The following DISC1 variants were observed in gnomAD, a reference collection of about 807,000 sequenced individuals.
The protein encoded by DISC1 is DISC1 scaffold protein.
A neutral mutation model predicts 84.5 loss-of-function variants in DISC1; 57 were observed. The ratio of observed to expected loss-of-function variants is 0.67; its 90% CI spans 0.55 to 0.84. The LOEUF (loss-of-function observed/expected upper bound fraction) is 0.84. Ranked by LOEUF, DISC1 falls within the 40% of genes least tolerant of loss-of-function variation. The probability of loss-of-function intolerance (pLI) is 0.00; values close to 1 mark genes in which losing one functional copy is unlikely to be tolerated. For synonymous variants in DISC1, 411 were observed against 415.2 expected (o/e 0.99, Z 0.12); for missense variants, 1,000 against 1,057.8 (o/e 0.95, Z 0.76).
At chr1:231,921,561 A>ATT (rs1553396491) in intron 9 of DISC1, among the ~76,000 whole-genome samples, 2 of 151,886 alleles carry the variant, frequency 1.3e-5, no homozygotes, top group Admixed American at 1.3e-4. Context: ...TAATATGTGA[A>ATT]ATGATTGGAT....
chr1:231,783,172 G>C (rs1447920457), intron 6 of DISC1, among the ~76,000 whole-genome samples: 2 of 152,082 alleles, frequency 1.3e-5, no homozygotes, highest in East Asian at 3.9e-4. Flanking sequence ...GAACTCACTT[G>C]AGTTTTTGGG....
intron 9 of DISC1, among the ~76,000 whole-genome samples, chr1:231,834,160 G>C (rs545024318): frequency 6.6e-6 from 1 of 152,126 alleles, no homozygotes; most frequent in Non-Finnish European, 1.5e-5. Context: ...CTGGGCAGGT[G>C]GGGGAGGGCT....
intron 1 of DISC1, among the ~76,000 whole-genome samples, chr1:231,686,162 G>A (rs574353583): frequency 6.6e-6 from 1 of 152,300 alleles, no homozygotes; most frequent in Admixed American, 6.5e-5. Context: ...GCAAGCTGTA[G>A]GTGGATCTAC....
chr1:231,959,352 C>T, intron 10 of DISC1: 2 of 985,730 alleles, frequency 2.0e-6, no homozygotes, highest in African/African-American at 3.5e-5. Flanking sequence ...TTTTTAAAAC[C>T]CAATTAGGAA....
chr1:231,809,365 G>T (rs2080049940), intron 8 of DISC1, among the ~76,000 whole-genome samples: 1 of 151,916 alleles, frequency 6.6e-6, no homozygotes, highest in South Asian at 2.1e-4. Context: ...CTGGTTCTTA[G>T]ATTGGCCATC....
intron 9 of DISC1, among the ~76,000 whole-genome samples, chr1:231,880,622 C>T (rs894004187): frequency 1.3e-5 from 2 of 152,096 alleles, no homozygotes; most frequent in African/African-American, 4.8e-5. Context: ...TACATGGAGA[C>T]AGCAGGATTT....
At chr1:231,723,117 T>G in intron 3 of DISC1, 1 of 974,744 alleles carries the variant, frequency 1.0e-6, no homozygotes, top group Non-Finnish European at 1.2e-6. Flanking sequence ...CCACGTGTAC[T>G]CAAGTCTTGT....
At chr1:231,870,006 G>A (rs992899027) in intron 9 of DISC1, among the ~76,000 whole-genome samples, 1 of 152,172 alleles carries the variant, frequency 6.6e-6, no homozygotes, top group Non-Finnish European at 1.5e-5. Context: ...CTACCTCTGG[G>A]GGCACTACTT....
chr1:231,785,979 T>G (rs1327537529), intron 6 of DISC1, among the ~76,000 whole-genome samples: 1 of 152,184 alleles, frequency 6.6e-6, no homozygotes, highest in Non-Finnish European at 1.5e-5. Flanking sequence ...TTGTCTCTAT[T>G]TTATATTTCT....
chr1:231,885,073 A>C (rs774925952), intron 9 of DISC1, among the ~76,000 whole-genome samples: 2 of 152,204 alleles, frequency 1.3e-5, no homozygotes, highest in African/African-American at 4.8e-5. Context: ...CAGCCTCTTC[A>C]TTTGATGTCT....
chr1:232,013,456 G>A (rs1668207421), intron 11 of DISC1, among the ~76,000 whole-genome samples: 1 of 152,196 alleles, frequency 6.6e-6, no homozygotes, highest in South Asian at 2.1e-4. Flanking sequence ...GTGGAAAGGT[G>A]TGATACCTTT....
rs1553324091 is a variant in DISC1 at position 231,722,900 on chromosome 1, G to C, written c.1117+20876G>C. ...AAAAAACCGCTATTGTTCTGTGTTG[G>C]GACAATTAGATTTTTGTAGGGGGGA... On this transcript the variant is annotated intron_variant, in intron 3 of 12. Coordinates refer to ENST00000439617, the MANE Select transcript of DISC1 (RefSeq NM_018662.3). The C allele has an allele frequency of 1.6e-5, 21 of 1,310,396 alleles. No individual in the cohort carries two copies. The South Asian group carries it at 3.5e-4, about 22-fold the overall frequency. The allele number at this position is 1,310,396 out of a possible 1,614,324, so 81.2% of individuals were successfully genotyped here.
intron 4 of DISC1, among the ~76,000 whole-genome samples, chr1:231,765,629 ATTGTT>A (rs1161003756): frequency 1.3e-5 from 2 of 152,054 alleles, no homozygotes; most frequent in Non-Finnish European, 2.9e-5. Flanking sequence ...TTAGAAATGG[ATTGTT>A]TTAAGGGTGA....
chr1:232,003,099 T>C (rs1666920314), intron 10 of DISC1, among the ~76,000 whole-genome samples: 1 of 152,176 alleles, frequency 6.6e-6, no homozygotes, highest in Non-Finnish European at 1.5e-5. Flanking sequence ...GGAATTTTTT[T>C]AATTGAAAGA....
At chr1:231,850,641 A>G (rs1345177069) in intron 9 of DISC1, among the ~76,000 whole-genome samples, 1 of 152,268 alleles carries the variant, frequency 6.6e-6, no homozygotes, top group Non-Finnish European at 1.5e-5. Flanking sequence ...TTCTCTATAC[A>G]CTAAAAAAAG....
rs781750113 is a variant in DISC1 at position 231,694,132 on chromosome 1, G to A, written c.374G>A (p.Gly125Asp). 17 of 1,614,154 alleles carry A rather than the reference G, an allele frequency of 1.1e-5. No homozygotes were observed. In the South Asian group the frequency reaches 1.3e-4, roughly 13 times the overall value. The change falls in exon 2 of 13, where the codon GGC (glycine) becomes GAC (aspartate). Residue 125 changes from glycine to aspartate, a missense_variant. By Grantham distance (94) the Gly-to-Asp change is moderately conservative (BLOSUM62 -1). Coordinates refer to ENST00000439617, the MANE Select transcript of DISC1 (RefSeq NM_018662.3). ...SAHFGIQLRG[G>D]TRLPDRLSWP... is the part of the protein sequence containing the mutation. ...CACTTTGGGATTCAGCTCAGAGGTG[G>A]CACCAGATTGCCTGACAGGCTTAGC...
intron 10 of DISC1, among the ~76,000 whole-genome samples, chr1:231,976,069 C>A (rs566596571): frequency 6.6e-6 from 1 of 152,312 alleles, no homozygotes; most frequent in South Asian, 2.1e-4. Flanking sequence ...TCTCTGACTT[C>A]TGAGGCAGGA....
intron 9 of DISC1, among the ~76,000 whole-genome samples, chr1:231,860,970 G>A (rs2084601185): frequency 6.6e-6 from 1 of 152,180 alleles, no homozygotes; most frequent in African/African-American, 2.4e-5. Flanking sequence ...AGATGATTCT[G>A]TCCCTCATCA....
At chr1:231,831,776 A>C (rs1403894643) in intron 9 of DISC1, among the ~76,000 whole-genome samples, 3 of 151,706 alleles carry the variant, frequency 2.0e-5, no homozygotes, top group Admixed American at 2.0e-4. Flanking sequence ...GTCAGTATAA[A>C]TATTGACGTG....
Sources: gnomAD v4.1 joint callset for allele counts (sites outside exome capture counted in the v4.1 genomes callset) on GRCh38, gnomAD v4.1.1 for gene constraint, MANE v1.5 for transcripts, NCBI Gene and HGNC (gene_info 2026-07-23, HGNC 2026-07-21) for gene names.